MEIS2: variants seen among roughly 807,000 people sequenced by gnomAD.
MEIS2 encodes homeobox protein Meis2.
In MEIS2, 9 loss-of-function variants were observed where a neutral mutation model predicts 58.6. The ratio of observed to expected loss-of-function variants is 0.15; its 90% CI spans 0.09 to 0.27. The LOEUF is 0.27. MEIS2 is among the 10% of genes least tolerant of loss of function. The probability of loss-of-function intolerance (pLI) is 1.00; values close to 1 mark genes in which losing one functional copy is unlikely to be tolerated. For missense variants in MEIS2, 427 were observed against 635.0 expected (o/e 0.67, Z 3.52); for synonymous variants, 221 against 228.4 (o/e 0.97, Z 0.29).
chr15:37,018,873 G>C (rs543111800), intron 8 of MEIS2, among the ~76,000 whole-genome samples: 1 of 152,164 alleles, frequency 6.6e-6, no homozygotes, highest in Non-Finnish European at 1.5e-5. Flanking sequence ...GAATGGAGAA[G>C]TCTGGAGTGC....
At chr15:36,995,958 T>G (rs1350216733) in intron 8 of MEIS2, among the ~76,000 whole-genome samples, 5 of 4,800 alleles carry the variant, frequency 1.0e-3, no homozygotes, top group Admixed American at 1.9e-3. Context: ...TAGTCTGAGA[T>G]ATATATATAT....
intron 7 of MEIS2, among the ~76,000 whole-genome samples, chr15:37,072,838 C>T (rs567859907): frequency 6.6e-6 from 1 of 152,038 alleles, no homozygotes; most frequent in Non-Finnish European, 1.5e-5. Context: ...CTTCCCCCAC[C>T]ATCAAAATCT....
chr15:36,920,481 A>G (rs1189990214), intron 9 of MEIS2, among the ~76,000 whole-genome samples: 2 of 152,158 alleles, frequency 1.3e-5, no homozygotes, highest in Admixed American at 6.5e-5. Flanking sequence ...TTTTCTTTTT[A>G]TAAAAGAATT....
intron 9 of MEIS2, among the ~76,000 whole-genome samples, chr15:36,938,792 G>A (rs910563316): frequency 1.1e-4 from 16 of 152,150 alleles, no homozygotes; most frequent in African/African-American, 3.4e-4. Context: ...TCTTATGGAC[G>A]AGGGAATAGA....
intron 9 of MEIS2, among the ~76,000 whole-genome samples, chr15:36,949,855 A>G (rs2058694323): frequency 6.6e-6 from 1 of 152,002 alleles, no homozygotes; most frequent in South Asian, 2.1e-4. Context: ...AAAAAATATT[A>G]GGGTAAATAA....
chr15:37,078,387 A>G (rs1452172050), intron 7 of MEIS2, among the ~76,000 whole-genome samples: 1 of 151,566 alleles, frequency 6.6e-6, no homozygotes, highest in Non-Finnish European at 1.5e-5. Context: ...AAATAAAAAT[A>G]TGGTTCTCTT....
At chr15:37,099,221 A>G in intron 1 of MEIS2, 1 of 1,421,918 alleles carries the variant, frequency 7.0e-7, no homozygotes, top group Non-Finnish European at 9.2e-7. Context: ...CCGCTCGCAC[A>G]GCGCTGGAAC....
intron 8 of MEIS2, among the ~76,000 whole-genome samples, chr15:37,021,107 G>A (rs2061511624): frequency 6.6e-6 from 1 of 152,142 alleles, no homozygotes; most frequent in Non-Finnish European, 1.5e-5. Flanking sequence ...ATAAATGTCT[G>A]TTGTTTAAGC....
intron 9 of MEIS2, among the ~76,000 whole-genome samples, chr15:36,922,619 C>CTTT (rs59227539): frequency 8.7e-4 from 110 of 126,792 alleles, no homozygotes; most frequent in Non-Finnish European, 1.4e-3. Flanking sequence ...TTCTTTCTTT[C>CTTT]TTTTTTTTTT....
intron 3 of MEIS2, 28 bp from the exon 4 acceptor site, chr15:37,095,642 C>A (rs983835786): frequency 1.9e-6 from 3 of 1,613,980 alleles, no homozygotes; most frequent in Non-Finnish European, 2.5e-6. Context: ...TCAACTTGAA[C>A]GATCACCCCA....
intron 7 of MEIS2, among the ~76,000 whole-genome samples, chr15:37,071,095 C>G (rs1314292470): frequency 6.6e-6 from 1 of 152,002 alleles, no homozygotes; most frequent in Admixed American, 6.6e-5. Flanking sequence ...ACAAACTCCC[C>G]AGTCTGCTAT....
chr15:37,043,988 TCTCTTCTTTATCCACA>T (rs2062556305), intron 7 of MEIS2, among the ~76,000 whole-genome samples: 1 of 152,120 alleles, frequency 6.6e-6, no homozygotes, highest in African/African-American at 2.4e-5. Context: ...GCCTGGCCCG[TCTCTTCTTTATCCACA>T]CTGTTGTCAC....
At chr15:37,039,003 C>T (rs1043230681) in intron 7 of MEIS2, among the ~76,000 whole-genome samples, 1 of 152,156 alleles carries the variant, frequency 6.6e-6, no homozygotes, top group African/African-American at 2.4e-5. Flanking sequence ...GACACTGGAG[C>T]GATCTCATCA....
At position 36,988,844 on chromosome 15, in the gene MEIS2, T is replaced by C. The variant is rs575212793; in HGVS notation, c.901-38444A>G. Among the ~76,000 whole-genome samples, 13 of 152,324 alleles carry C rather than the reference T, an allele frequency of 8.5e-5. No homozygotes were observed. The South Asian group carries it at 2.7e-3, about 32-fold the overall frequency. ...ATTTTAAGAGGGTTAATTCATTATC[T>C]TTTATAATATAACCAAAACTTACTT... On this transcript the variant is annotated intron_variant, in intron 8 of 11. Transcript: ENST00000561208.
chr15:36,972,140 C>T (rs1224262669), intron 8 of MEIS2, among the ~76,000 whole-genome samples: 1 of 151,908 alleles, frequency 6.6e-6, no homozygotes, highest in African/African-American at 2.4e-5. Flanking sequence ...CATGATGTTC[C>T]GTTATGCTGT....
At chr15:36,956,029 A>AC (rs1236391160) in intron 8 of MEIS2, among the ~76,000 whole-genome samples, 1 of 145,402 alleles carries the variant, frequency 6.9e-6, no homozygotes, top group Non-Finnish European at 1.5e-5. Context: ...TACAAAAAAA[A>AC]AAAAAAAAAA....
chr15:36,955,631 C>T (rs1045726026), intron 8 of MEIS2, among the ~76,000 whole-genome samples: 4 of 152,142 alleles, frequency 2.6e-5, no homozygotes, highest in Non-Finnish European at 4.4e-5. Flanking sequence ...TTGAATCTCT[C>T]TGACTCTCTT....
intron 9 of MEIS2, among the ~76,000 whole-genome samples, chr15:36,931,116 C>A (rs901823372): frequency 6.6e-6 from 1 of 152,170 alleles, no homozygotes; most frequent in Non-Finnish European, 1.5e-5. Context: ...TCCCTGACTT[C>A]ATTCCAATAA....
intron 1 of MEIS2, 155 bp downstream of exon 1, chr15:37,099,300 G>T (rs1057381097): frequency 6.6e-7 from 1 of 1,510,872 alleles, no homozygotes; most frequent in Non-Finnish European, 8.9e-7. Context: ...GGGAGGGAAA[G>T]AAGCCGATGA....
Sources: gnomAD v4.1 joint callset for allele counts (sites outside exome capture counted in the v4.1 genomes callset) on GRCh38, gnomAD v4.1.1 for gene constraint, MANE v1.5 for transcripts, NCBI Gene and HGNC (gene_info 2026-07-23, HGNC 2026-07-21) for gene names.